The following MYT1L variants were observed in gnomAD, a reference collection of about 807,000 sequenced individuals.
MYT1L encodes the protein myelin transcription factor 1-like protein.
Under a neutral mutation model 126.7 loss-of-function variants are expected in MYT1L, and 12 were observed. The ratio of observed to expected loss-of-function variants is 0.09; its 90% CI spans 0.06 to 0.15. The LOEUF is 0.15. Ranked by LOEUF, MYT1L falls within the 10% of genes least tolerant of loss-of-function variation. The pLI is 1.00. For missense variants in MYT1L, 979 were observed against 1,585.2 expected (o/e 0.62, Z 6.49); for synonymous variants, 541 against 604.2 (o/e 0.90, Z 1.53).
chr2:1,816,583 C>CTTTA (rs1208327128), intron 21 of MYT1L: 1 of 152,900 alleles, frequency 6.5e-6, no homozygotes, highest in Non-Finnish European at 1.5e-5. Flanking sequence ...ACTTTCACAG[C>CTTTA]TTAAAAGCCA....
intron 2 of MYT1L, among the ~76,000 whole-genome samples, chr2:2,203,998 C>A (rs1466706541): frequency 6.6e-6 from 1 of 152,116 alleles, no homozygotes; most frequent in African/African-American, 2.4e-5. Context: ...CTAACAAAAA[C>A]AAGAAATGGG....
In MYT1L at chr2:2,224,823, GAA is replaced by G. The variant is rs5828864; in HGVS notation, c.-420-51837_-420-51836del. Among the ~76,000 whole-genome samples, 89 of 146,074 alleles carry G rather than the reference GAA, an allele frequency of 6.1e-4. No homozygotes were observed. The highest frequency in any genetic ancestry group is 8.1e-4 in the East Asian group (4 of 4,926). On this transcript the variant is annotated intron_variant, in intron 2 of 24. Transcript: ENST00000647738. This position sits in a 1 kb window ranked among gnomAD's most constrained non-coding sequence, Gnocchi z 4.0. ...AACAGAGCAAGACTCCGTCTCAAAA[GAA>G]AAAAAAAAAAAGGAAAATAAATGTT...
At chr2:1,948,934 T>C (rs78512535) in intron 8 of MYT1L, among the ~76,000 whole-genome samples, 6,058 of 150,858 alleles carry the variant, frequency 0.04, 153 homozygotes, top group East Asian at 0.078. Flanking sequence ...AAGATATTTT[T>C]ATATCTTTAG....
intron 3 of MYT1L, among the ~76,000 whole-genome samples, chr2:2,054,609 T>C (rs546376672): frequency 7.3e-5 from 11 of 151,060 alleles, no homozygotes; most frequent in Non-Finnish European, 1.5e-4. Context: ...ACACAAGAGA[T>C]GATAAGACAC....
At chr2:2,048,063 C>T (rs1025816584) in intron 4 of MYT1L, among the ~76,000 whole-genome samples, 4 of 152,054 alleles carry the variant, frequency 2.6e-5, no homozygotes, top group Non-Finnish European at 4.4e-5. Flanking sequence ...GGCACAGACC[C>T]GGCTTTAATG....
At chr2:1,956,243 TC>T (rs1450837415) in intron 8 of MYT1L, among the ~76,000 whole-genome samples, 2 of 149,290 alleles carry the variant, frequency 1.3e-5, no homozygotes, top group African/African-American at 5.0e-5. Flanking sequence ...CATCTATCTA[TC>T]CTATTCTATA....
chr2:2,004,553 T>G (rs2062934587), intron 4 of MYT1L, among the ~76,000 whole-genome samples: 1 of 150,990 alleles, frequency 6.6e-6, no homozygotes, highest in African/African-American at 2.4e-5. Context: ...ATGCGTTCTT[T>G]CCTGCGTGCC....
intron 2 of MYT1L, among the ~76,000 whole-genome samples, chr2:2,173,424 T>C (rs758914033): frequency 2.0e-5 from 3 of 152,236 alleles, no homozygotes; most frequent in Non-Finnish European, 4.4e-5. Flanking sequence ...TAAGAAAATA[T>C]AGTTTGCTGA....
At position 1,852,652 on chromosome 2, in the gene MYT1L, C is replaced by A. The variant is rs141788697; in HGVS notation, c.2712-949G>T. ...GCTATTTCAGTTGCATTTGCGCCCA[C>A]CATGAATGTAAAAATTAAGAAAAAA... is the stretch of plus-strand genomic sequence containing the variant. On this transcript the variant is annotated intron_variant, in intron 18 of 24. Transcript: ENST00000647738. This position sits in a 1 kb window ranked among gnomAD's most constrained non-coding sequence, Gnocchi z 4.0. Among the ~76,000 whole-genome samples the A allele has an allele frequency of 2.0e-3, 305 of 152,246 alleles. No homozygotes were observed. The highest frequency in any genetic ancestry group is 6.9e-3 in the African/African-American group (285 of 41,518).
Position 2,002,831 on chromosome 2 carries a change from G to T in MYT1L, c.-157-5484C>A, listed in dbSNP as rs1574396867. On this transcript the variant is annotated intron_variant, in intron 4 of 24. Transcript: ENST00000647738. ...TCTCATGATAGAGAGTGAGTTTCAA[G>T]AGATCTGATGGTTTTATGAGTGTCT... Among the ~76,000 whole-genome samples the T allele has an allele frequency of 2.6e-5, 4 of 152,124 alleles. No homozygotes were observed. In the South Asian group the frequency reaches 8.3e-4, roughly 32 times the overall value.
chr2:2,177,129 A>C (rs2090895798), intron 2 of MYT1L, among the ~76,000 whole-genome samples: 1 of 152,234 alleles, frequency 6.6e-6, no homozygotes. Flanking sequence ...TGTCGTCAAC[A>C]GGACTGTCAC....
intron 2 of MYT1L, among the ~76,000 whole-genome samples, chr2:2,209,945 A>T (rs775409396): frequency 1.3e-5 from 2 of 152,138 alleles, no homozygotes; most frequent in African/African-American, 4.8e-5. Flanking sequence ...CATTCTCTCC[A>T]GCATTTGTTA....
chr2:2,295,699 GAGAGAC>G (rs2095673736), intron 1 of MYT1L, among the ~76,000 whole-genome samples: 20 of 145,966 alleles, frequency 1.4e-4, no homozygotes, highest in Admixed American at 3.4e-4. Context: ...GAGAGAGAGA[GAGAGAC>G]AGACAGACAG....
intron 3 of MYT1L, among the ~76,000 whole-genome samples, chr2:2,126,729 C>G (rs1176329099): frequency 6.6e-6 from 1 of 152,236 alleles, no homozygotes; most frequent in Non-Finnish European, 1.5e-5. Flanking sequence ...GCTGGGCCTG[C>G]TGCCACAGAA....
intron 1 of MYT1L, among the ~76,000 whole-genome samples, chr2:2,305,032 A>G (rs1464708458): frequency 1.3e-5 from 2 of 152,214 alleles, no homozygotes; most frequent in African/African-American, 2.4e-5. Context: ...TGTACTGTTT[A>G]TATATTAAAA....
intron 3 of MYT1L, among the ~76,000 whole-genome samples, chr2:2,068,295 G>C (rs1436756024): frequency 6.6e-6 from 1 of 152,138 alleles, no homozygotes; most frequent in Admixed American, 6.5e-5. Context: ...GCAGAAAGGA[G>C]AGTCCGAGGT....
At chr2:2,322,606 A>C (rs1317901685) in intron 1 of MYT1L, among the ~76,000 whole-genome samples, 2 of 151,844 alleles carry the variant, frequency 1.3e-5, no homozygotes, top group African/African-American at 2.4e-5. Flanking sequence ...AAAAAAAAAA[A>C]CAAAATAGCT....
intron 3 of MYT1L, among the ~76,000 whole-genome samples, chr2:2,156,316 C>T (rs1283130660): frequency 6.6e-6 from 1 of 152,106 alleles, no homozygotes; most frequent in Non-Finnish European, 1.5e-5. Flanking sequence ...GGCAAGGCTG[C>T]TGAGGAGTTA....
intron 2 of MYT1L, among the ~76,000 whole-genome samples, chr2:2,219,693 G>C (rs1473287364): frequency 6.6e-6 from 1 of 152,128 alleles, no homozygotes; most frequent in Non-Finnish European, 1.5e-5. Flanking sequence ...CTTTTAAAAA[G>C]TTCCAAGTTG....
Sources: gnomAD v4.1 joint callset for allele counts (sites outside exome capture counted in the v4.1 genomes callset) on GRCh38, gnomAD v4.1.1 for gene constraint, Gnocchi (gnomAD v3.1) non-coding constraint, MANE v1.5 for transcripts, NCBI Gene and HGNC (gene_info 2026-07-23, HGNC 2026-07-21) for gene names.